The following PHC2 variants were observed in gnomAD, a reference collection of about 807,000 sequenced individuals.
The protein encoded by PHC2 is polyhomeotic homolog 2, also known as polyhomeotic-like protein 2.
PHC2 carries 29 observed loss-of-function variants against 87.4 expected under a neutral mutation model. The observed-to-expected ratio is 0.33, with a 90% CI of 0.25 to 0.45. PHC2 has a LOEUF of 0.45. Ranked by LOEUF, PHC2 falls within the 20% of genes least tolerant of loss-of-function variation. The pLI, the probability that PHC2 is intolerant of heterozygous loss-of-function variation, is 1.00. For synonymous variants in PHC2, 438 were observed against 461.7 expected (o/e 0.95, Z 0.66); for missense variants, 857 against 1,136.7 (o/e 0.75, Z 3.54).
At chr1:33,346,603 T>C (rs1646849622) in intron 9 of PHC2, 1 of 985,442 alleles carries the variant, frequency 1.0e-6, no homozygotes, top group Non-Finnish European at 1.2e-6. Context: ...ACCGTACTAA[T>C]GATGAGCAGC....
intron 1 of PHC2, among the ~76,000 whole-genome samples, chr1:33,389,398 G>C (rs1289359747): frequency 2.0e-5 from 3 of 152,206 alleles, no homozygotes; most frequent in Non-Finnish European, 4.4e-5. Context: ...ATAAACAGGA[G>C]TATAACTTGA....
intron 7 of PHC2, among the ~76,000 whole-genome samples, chr1:33,359,772 G>A (rs1247478051): frequency 6.6e-6 from 1 of 152,226 alleles, no homozygotes; most frequent in East Asian, 1.9e-4. Context: ...ACATGATTCA[G>A]AGTTAGGAAG....
At chr1:33,371,797 G>C (rs1047793587) in intron 3 of PHC2, among the ~76,000 whole-genome samples, 1 of 152,158 alleles carries the variant, frequency 6.6e-6, no homozygotes, top group African/African-American at 2.4e-5. Flanking sequence ...CTGTTTACTT[G>C]CTGTCTCCTA....
intron 7 of PHC2, among the ~76,000 whole-genome samples, chr1:33,362,029 C>T (rs914075291): frequency 1.2e-4 from 18 of 152,284 alleles, no homozygotes; most frequent in African/African-American, 3.1e-4. Context: ...AGGTTAACTC[C>T]GAAGCCCACT....
intron 7 of PHC2, among the ~76,000 whole-genome samples, chr1:33,356,707 G>A (rs1212293611): frequency 1.3e-5 from 2 of 152,180 alleles, no homozygotes; most frequent in Non-Finnish European, 2.9e-5. Flanking sequence ...CACAGACACA[G>A]TAACAATCTG....
At chr1:33,351,951 CA>C (rs10718909) in intron 9 of PHC2, among the ~76,000 whole-genome samples, 26,814 of 87,040 alleles carry the variant, frequency 0.31, 2,365 homozygotes, top group East Asian at 0.41. Context: ...GAATGCATCT[CA>C]AAAAAAAAAA....
At chr1:33,362,474 TGTATG>T (rs1647217390) in intron 7 of PHC2, among the ~76,000 whole-genome samples, 1 of 151,942 alleles carries the variant, frequency 6.6e-6, no homozygotes, top group Non-Finnish European at 1.5e-5. Context: ...ACAGCTGAAA[TGTATG>T]GGGAGAAGAG....
intron 1 of PHC2, among the ~76,000 whole-genome samples, chr1:33,377,728 G>A (rs986636994): frequency 6.6e-6 from 1 of 151,972 alleles, no homozygotes; most frequent in African/African-American, 2.4e-5. Context: ...ACTAATGAGA[G>A]CATGATTAGT....
intron 1 of PHC2, among the ~76,000 whole-genome samples, chr1:33,378,716 G>A (rs908536972): frequency 2.6e-4 from 40 of 152,200 alleles, no homozygotes; most frequent in African/African-American, 8.7e-4. Flanking sequence ...GAGAGTAAGA[G>A]AGCACACTTG....
chr1:33,335,575 G>C (rs1247130584), intron 9 of PHC2, among the ~76,000 whole-genome samples: 1 of 152,196 alleles, frequency 6.6e-6, no homozygotes, highest in East Asian at 1.9e-4. Flanking sequence ...TAATTATATA[G>C]TATGGAAAAG....
Position 33,334,194 on chromosome 1 carries a change from G to C in PHC2, c.1657C>G (p.Pro553Ala). The change falls in exon 10 of 15, where the codon CCC becomes GCC. Residue 553 changes from proline to alanine, a missense_variant. This residue lies in a region of PHC2 where 832 missense variants were observed against 1,081.8 expected (regional missense o/e 0.77). Coordinates refer to ENST00000683057, the MANE Select transcript of PHC2 (RefSeq NM_001385109.1). This position sits in a 1 kb window ranked among gnomAD's most constrained non-coding sequence, Gnocchi z 5.5. ...NSASSIAGTA[P>A]QNGENKPPQA... ...GGTGGTTTATTCTCACCATTCTGGG[G>C]GGCAGTGCCGGCGATGCTGGAGGCA... 6.2e-7 allele frequency: 1 copy of C among 1,612,972 alleles called. No homozygotes were observed. Among genetic ancestry groups the C allele is most frequent in the Non-Finnish European group, 8.5e-7 (1 of 1,179,694 alleles).
At chr1:33,389,790 G>A (rs1382938841) in intron 1 of PHC2, among the ~76,000 whole-genome samples, 2 of 152,004 alleles carry the variant, frequency 1.3e-5, no homozygotes, top group African/African-American at 4.8e-5. Context: ...TTTTATACTC[G>A]TAAGTTTGCC....
chr1:33,406,094 T>C (rs886205093), intron 1 of PHC2, among the ~76,000 whole-genome samples: 3 of 152,228 alleles, frequency 2.0e-5, no homozygotes, highest in Non-Finnish European at 2.9e-5. Context: ...AGAATGTAAA[T>C]ATAAAACACC....
intron 1 of PHC2, among the ~76,000 whole-genome samples, chr1:33,422,446 T>C (rs933532478): frequency 3.3e-5 from 5 of 152,142 alleles, no homozygotes; most frequent in Admixed American, 3.3e-4. Context: ...GACAGAAGGA[T>C]ACTAAAAGGA....
rs536151937 is a variant in PHC2 at position 33,330,129 on chromosome 1, T to C, written c.2090A>G (p.Asn697Ser). 1 of 1,614,028 alleles carries C rather than the reference T, an allele frequency of 6.2e-7. No homozygotes were observed. Among genetic ancestry groups the C allele is most frequent in the Non-Finnish European group, 8.5e-7 (1 of 1,179,982 alleles). Residue 697 changes from asparagine (N) to serine (S), a missense_variant, in exon 13 of 15, where the codon AAC becomes AGC. Physicochemically the swap from Asn to Ser is conservative, Grantham distance 46. Around this residue, in one of 3 missense-constraint regions of PHC2, gnomAD observed 832 missense variants for 1,081.8 expected, o/e 0.77. Coordinates refer to ENST00000683057, the MANE Select transcript of PHC2 (RefSeq NM_001385109.1). ...ACTGGCTTTGCTGGCCCGACGGCGG[T>C]TGTGGGTCGCAGCTCCTGCCTTCTG... The part of the protein sequence containing the change: ...KLQKAGAATH[N>S]RRRASKASLP...
intron 9 of PHC2, chr1:33,347,855 T>A: frequency 2.4e-6 from 1 of 418,836 alleles, no homozygotes; most frequent in Non-Finnish European, 3.2e-6. Context: ...CCCTTGTGAG[T>A]GAGCCAAGCC....
At chr1:33,418,939 T>C (rs1261717170) in intron 1 of PHC2, among the ~76,000 whole-genome samples, 1 of 152,238 alleles carries the variant, frequency 6.6e-6, no homozygotes, top group Non-Finnish European at 1.5e-5. Flanking sequence ...TGTAAAGCCC[T>C]GTATAGCATA....
At chr1:33,396,125 G>A (rs758483833) in intron 1 of PHC2, among the ~76,000 whole-genome samples, 3 of 152,182 alleles carry the variant, frequency 2.0e-5, no homozygotes, top group Non-Finnish European at 2.9e-5. Context: ...AGTAAAGTAC[G>A]AATTCACCAC....
At chr1:33,348,604 T>C (rs537549425) in intron 9 of PHC2, among the ~76,000 whole-genome samples, 1 of 152,188 alleles carries the variant, frequency 6.6e-6, no homozygotes, top group Non-Finnish European at 1.5e-5. Flanking sequence ...CAGGGACATA[T>C]GATGGATTTA....
Sources: allele counts gnomAD v4.1 joint callset (sites outside exome capture counted in the v4.1 genomes callset), GRCh38; gene constraint gnomAD v4.1.1; regional missense constraint gnomAD v4.1.1; non-coding constraint Gnocchi (gnomAD v3.1); transcripts MANE v1.5; gene names NCBI Gene and HGNC (gene_info 2026-07-23, HGNC 2026-07-21).